The following EYS variants were observed in gnomAD, a reference collection of about 807,000 sequenced individuals.
EYS encodes EGF-like photoreceptor maintenance factor.
Under a neutral mutation model 282.1 loss-of-function variants are expected in EYS, and 250 were observed. That is an observed-to-expected ratio of 0.89 (90% CI 0.80 to 0.98). EYS has a LOEUF of 0.98. EYS is among the 50% of genes least tolerant of loss of function. The pLI is 0.00. For missense variants in EYS, 4,016 were observed against 3,709.0 expected, an observed-to-expected ratio of 1.08 and a Z score of -2.15; for synonymous variants, 1,355 against 1,282.9, an observed-to-expected ratio of 1.06 and a Z score of -1.20.
intron 31 of EYS, among the ~76,000 whole-genome samples, chr6:64,165,240 A>G (rs980004697): frequency 6.6e-6 from 1 of 152,120 alleles, no homozygotes; most frequent in African/African-American, 2.4e-5. Flanking sequence ...TCTTTCATGA[A>G]AACAAAGCAG....
chr6:64,626,145 C>T lies in EYS; in HGVS notation c.3544G>A (p.Gly1182Arg). ...HGADCEDHIN[G>R]YVCKCQPGWS... is the part of the protein sequence containing the mutation. ...CCTGGTTGGCATTTGCAAACATATC[C>T]ATTGATGTGATCTTCACAGTCTGCA... Residue 1182 changes from glycine (G) to arginine (R), a missense_variant, in exon 23 of 43, where the codon GGA (glycine) becomes AGA (arginine). By Grantham distance (125) the Gly-to-Arg change is moderately radical (BLOSUM62 -2). Transcript: ENST00000503581. 6.5e-7 allele frequency: 1 copy of T among 1,544,816 alleles called. No individual in the cohort carries two copies. Among genetic ancestry groups the T allele is most frequent in the East Asian group, 2.5e-5 (1 of 40,798 alleles).
chr6:64,334,780 G>A (rs1582615024), intron 29 of EYS, among the ~76,000 whole-genome samples: 1 of 152,140 alleles, frequency 6.6e-6, no homozygotes, highest in South Asian at 2.1e-4. Flanking sequence ...TGATGACAAT[G>A]GAAAAGCTGT....
chr6:63,755,561 T>C (rs534029652), intron 41 of EYS, among the ~76,000 whole-genome samples: 12 of 152,322 alleles, frequency 7.9e-5, no homozygotes, highest in Non-Finnish European at 1.5e-4. Context: ...AGTCAGGTAG[T>C]GTGATGCCTC....
Position 64,305,973 on chromosome 6 carries a change from A to T in EYS, c.6191+997T>A, listed in dbSNP as rs541926664. Among the ~76,000 whole-genome samples the T allele has an allele frequency of 5.3e-5, 8 of 152,334 alleles. No homozygotes were observed. In the South Asian group the frequency reaches 1.4e-3, roughly 28 times the overall value. ...GAATGGAAGAAAAGACTTGCAAATCATATATCTGATAAGGGATTAATATTC... is the reference window on the plus strand; with the variant it reads ...GAATGGAAGAAAAGACTTGCAAATCTTATATCTGATAAGGGATTAATATTC... On this transcript the variant is annotated intron_variant, in intron 30 of 42. Transcript: ENST00000503581.
chr6:63,966,473 G>A (rs1258490347), intron 35 of EYS, among the ~76,000 whole-genome samples: 1 of 152,128 alleles, frequency 6.6e-6, no homozygotes, highest in Non-Finnish European at 1.5e-5. Context: ...GCTTACTCAT[G>A]TGACCAAATA....
intron 22 of EYS, among the ~76,000 whole-genome samples, chr6:64,749,540 G>A (rs1207607559): frequency 6.6e-6 from 1 of 152,108 alleles, no homozygotes; most frequent in Non-Finnish European, 1.5e-5. Flanking sequence ...TGGGTTCTTA[G>A]TATTCATAAA....
chr6:63,777,057 TG>T (rs1562020894), intron 40 of EYS, among the ~76,000 whole-genome samples: 1 of 152,240 alleles, frequency 6.6e-6, no homozygotes, highest in Non-Finnish European at 1.5e-5. Context: ...TGCTCTGTGA[TG>T]GTGGCATCCC....
chr6:65,462,657 T>C (rs1408192788), intron 5 of EYS, among the ~76,000 whole-genome samples: 1 of 152,108 alleles, frequency 6.6e-6, no homozygotes, highest in Non-Finnish European at 1.5e-5. Context: ...TTCACTGTGT[T>C]TTGATGTCAC....
intron 22 of EYS, among the ~76,000 whole-genome samples, chr6:64,671,024 C>A (rs1294736200): frequency 6.6e-6 from 1 of 152,098 alleles, no homozygotes; most frequent in Non-Finnish European, 1.5e-5. Context: ...TTCCTCCTCC[C>A]ACAGGAAGAA....
At chr6:65,605,402 A>T (rs1200002457) in intron 2 of EYS, among the ~76,000 whole-genome samples, 1 of 151,950 alleles carries the variant, frequency 6.6e-6, no homozygotes, top group Non-Finnish European at 1.5e-5. Flanking sequence ...ATTATAATAC[A>T]CAAGGTTTTT....
At chr6:64,720,923 C>T (rs1771557585) in intron 22 of EYS, among the ~76,000 whole-genome samples, 1 of 152,140 alleles carries the variant, frequency 6.6e-6, no homozygotes, top group Non-Finnish European at 1.5e-5. Flanking sequence ...CTAAAATATG[C>T]ATCATAAGCA....
intron 41 of EYS, among the ~76,000 whole-genome samples, chr6:63,736,068 G>A (rs927468909): frequency 1.3e-5 from 2 of 152,052 alleles, no homozygotes; most frequent in African/African-American, 2.4e-5. Context: ...GGATTTGCCA[G>A]GTTTCTTCAC....
intron 26 of EYS, among the ~76,000 whole-genome samples, chr6:64,542,163 C>T (rs1329651432): frequency 6.6e-6 from 1 of 152,002 alleles, no homozygotes; most frequent in Non-Finnish European, 1.5e-5. Context: ...AGCAAATCAA[C>T]AAGTTCAGTT....
chr6:64,717,104 G>C (rs1157434091), intron 22 of EYS, among the ~76,000 whole-genome samples: 1 of 152,104 alleles, frequency 6.6e-6, no homozygotes, highest in Non-Finnish European at 1.5e-5. Context: ...CCAAAACCGT[G>C]ACTGAGACAA....
At chr6:65,656,579 T>G (rs1429279851) in intron 1 of EYS, among the ~76,000 whole-genome samples, 2 of 151,818 alleles carry the variant, frequency 1.3e-5, no homozygotes, top group African/African-American at 4.8e-5. Flanking sequence ...GATGAGGAAG[T>G]TACAGAAGAA....
intron 13 of EYS, among the ~76,000 whole-genome samples, chr6:65,007,921 C>T (rs1771735298): frequency 6.6e-6 from 1 of 152,142 alleles, no homozygotes; most frequent in South Asian, 2.1e-4. Context: ...AATGTTACTG[C>T]TAAATCAGAC....
intron 5 of EYS, among the ~76,000 whole-genome samples, chr6:65,469,532 A>C (rs1472134217): frequency 1.3e-5 from 2 of 152,120 alleles, no homozygotes; most frequent in Non-Finnish European, 2.9e-5. Flanking sequence ...CAATGTATGA[A>C]AGAAAATGTA....
At chr6:65,306,121 G>A (rs1346635022) in intron 11 of EYS, among the ~76,000 whole-genome samples, 1 of 152,184 alleles carries the variant, frequency 6.6e-6, no homozygotes, top group East Asian at 1.9e-4. Flanking sequence ...ATAATCAGGA[G>A]GAAGAGGAAG....
At chr6:64,306,859 C>A in intron 30 of EYS, 111 bp downstream of exon 30, 1 of 652,160 alleles carries the variant, frequency 1.5e-6, no homozygotes, top group Non-Finnish European at 2.7e-6. Flanking sequence ...GAAGCAAAAA[C>A]AAAGAAACGA....
Sources: allele counts gnomAD v4.1 joint callset (sites outside exome capture counted in the v4.1 genomes callset), GRCh38; gene constraint gnomAD v4.1.1; transcripts MANE v1.5; gene names NCBI Gene and HGNC (gene_info 2026-07-23, HGNC 2026-07-21).